PSMD14: variants seen among roughly 807,000 people sequenced by gnomAD.
PSMD14 encodes the protein ubiquitin C-terminal hydrolase PSMD14.
PSMD14 carries 7 observed loss-of-function variants against 41.2 expected under a neutral mutation model. The observed-to-expected ratio is 0.17, with a 90% CI of 0.10 to 0.32. The LOEUF (loss-of-function observed/expected upper bound fraction) is 0.32, where lower values mean the gene tolerates loss of function less well. Among genes scored for constraint, PSMD14 ranks in the 10% least tolerant of loss-of-function variants. PSMD14 has a pLI of 1.00. For synonymous variants in PSMD14, 114 were observed against 122.3 expected, an observed-to-expected ratio of 0.93 and a Z score of 0.45; for missense variants, 139 against 375.6, an observed-to-expected ratio of 0.37 and a Z score of 5.21.
At chr2:161,368,123 A>G (rs1683383832) in intron 5 of PSMD14, among the ~76,000 whole-genome samples, 1 of 152,152 alleles carries the variant, frequency 6.6e-6, no homozygotes, top group Non-Finnish European at 1.5e-5. Context: ...TGCTAATGCT[A>G]AATTTCTTTT....
At chr2:161,409,881 T>A (rs894272278) in intron 11 of PSMD14, among the ~76,000 whole-genome samples, 3 of 152,116 alleles carry the variant, frequency 2.0e-5, no homozygotes, top group Non-Finnish European at 2.9e-5. Context: ...TTATGTGATA[T>A]CACCCTTGTT....
intron 2 of PSMD14, 45 bp downstream of exon 2, chr2:161,316,614 A>T (rs1038373275): frequency 2.0e-5 from 3 of 152,178 alleles, no homozygotes; most frequent in African/African-American, 7.2e-5. Flanking sequence ...TATTTTACGG[A>T]TGGATAGAGA....
chr2:161,348,766 A>G (rs1683079431), intron 3 of PSMD14, among the ~76,000 whole-genome samples: 1 of 152,210 alleles, frequency 6.6e-6, no homozygotes, highest in Non-Finnish European at 1.5e-5. Flanking sequence ...TAGTCAGGGA[A>G]AAGGACACAG....
chr2:161,398,537 T>A (rs1683833535), intron 10 of PSMD14, among the ~76,000 whole-genome samples: 1 of 151,842 alleles, frequency 6.6e-6, no homozygotes, highest in African/African-American at 2.4e-5. Context: ...ATGCATCTGC[T>A]ATTTTTTTTT....
At chr2:161,340,220 GTAAAT>G (rs1438445223) in intron 3 of PSMD14, among the ~76,000 whole-genome samples, 1 of 152,154 alleles carries the variant, frequency 6.6e-6, no homozygotes, top group Non-Finnish European at 1.5e-5. Context: ...GAATGGTCAA[GTAAAT>G]TCCTGGTACT....
intron 3 of PSMD14, among the ~76,000 whole-genome samples, chr2:161,347,344 C>G (rs1683059275): frequency 6.6e-6 from 1 of 152,068 alleles, no homozygotes; most frequent in Non-Finnish European, 1.5e-5. Context: ...GAGAGGAGGT[C>G]TTGCTATATC....
intron 8 of PSMD14, among the ~76,000 whole-genome samples, chr2:161,389,889 G>GTTGATGTTTTTTTTTTTT: frequency 5.0e-5 from 1 of 20,042 alleles, no homozygotes; most frequent in Non-Finnish European, 1.0e-4. Flanking sequence ...CTTTTTTGTT[G>GTTGATGTTTTTTTTTTTT]TTTTTTTTTT....
intron 3 of PSMD14, among the ~76,000 whole-genome samples, chr2:161,359,782 T>A (rs747608240): frequency 3.9e-5 from 6 of 152,174 alleles, no homozygotes; most frequent in African/African-American, 7.2e-5. Flanking sequence ...GCTCCCAGAA[T>A]AAAAGTAGAC....
chr2:161,392,419 G>A (rs1449751045), intron 9 of PSMD14, among the ~76,000 whole-genome samples: 2 of 152,116 alleles, frequency 1.3e-5, no homozygotes, highest in African/African-American at 4.8e-5. Flanking sequence ...CTGGTACATG[G>A]CAAGTGGCAG....
At chr2:161,387,532 T>G (rs1009016167) in intron 8 of PSMD14, among the ~76,000 whole-genome samples, 5 of 151,996 alleles carry the variant, frequency 3.3e-5, no homozygotes, top group African/African-American at 1.2e-4. Context: ...TTTTTTTTAC[T>G]CTTATACTTA....
chr2:161,356,199 G>A (rs956162230), intron 3 of PSMD14, among the ~76,000 whole-genome samples: 2 of 152,248 alleles, frequency 1.3e-5, no homozygotes, highest in African/African-American at 2.4e-5. Flanking sequence ...GGGTTAGGAC[G>A]ATGGGGAACA....
At chr2:161,330,498 C>T (rs890698100) in intron 3 of PSMD14, among the ~76,000 whole-genome samples, 3 of 152,156 alleles carry the variant, frequency 2.0e-5, no homozygotes, top group Non-Finnish European at 4.4e-5. Context: ...CTTCGGGTTT[C>T]CTATCTTAAA....
chr2:161,385,895 G>A (rs1022283028), intron 8 of PSMD14, among the ~76,000 whole-genome samples: 1 of 151,700 alleles, frequency 6.6e-6, no homozygotes, highest in African/African-American at 2.4e-5. Flanking sequence ...GGTGAAGGAT[G>A]TAACTATTAT....
intron 3 of PSMD14, among the ~76,000 whole-genome samples, chr2:161,326,354 A>G (rs1453120341): frequency 6.6e-6 from 1 of 152,170 alleles, no homozygotes; most frequent in African/African-American, 2.4e-5. Context: ...TTTTGCAGGT[A>G]CACCCATTTG....
At chr2:161,380,198 A>C (rs1165711134) in intron 7 of PSMD14, among the ~76,000 whole-genome samples, 1 of 152,032 alleles carries the variant, frequency 6.6e-6, no homozygotes. Context: ...TCCCTTAGCT[A>C]GTAAGTGATA....
chr2:161,362,628 AATTCT>A (rs1683305788), intron 3 of PSMD14, among the ~76,000 whole-genome samples: 1 of 152,218 alleles, frequency 6.6e-6, no homozygotes, highest in East Asian at 1.9e-4. Context: ...TTGAGTATAA[AATTCT>A]TTACTTTCAG....
At position 161,331,920 on chromosome 2, in the gene PSMD14, T is replaced by G. The variant is rs549248595; in HGVS notation, c.48+13047T>G. ...ATTATTTTCATATTATAGGGTCGAG[T>G]CACAGAACTAACAAGAAGTGGAGCT... On this transcript the variant is annotated intron_variant, in intron 3 of 11. Coordinates refer to ENST00000409682, the MANE Select transcript of PSMD14 (RefSeq NM_005805.6). Among the ~76,000 whole-genome samples, 183 of 152,308 alleles carry G rather than the reference T, an allele frequency of 1.2e-3. 1 individual carries two copies. The South Asian group carries it at 0.022, about 18-fold the overall frequency.
intron 10 of PSMD14, among the ~76,000 whole-genome samples, chr2:161,405,807 A>G (rs1419134685): frequency 6.6e-6 from 1 of 152,136 alleles, no homozygotes; most frequent in Non-Finnish European, 1.5e-5. Context: ...AGATATTTAA[A>G]TGGGATCATG....
chr2:161,311,321 A>C (rs1689084668), intron 1 of PSMD14, among the ~76,000 whole-genome samples: 2 of 152,160 alleles, frequency 1.3e-5, no homozygotes, highest in Non-Finnish European at 2.9e-5. Flanking sequence ...AAAAGGAAAA[A>C]AAAAATTGCA....
Sources: gnomAD v4.1 joint callset for allele counts (sites outside exome capture counted in the v4.1 genomes callset) on GRCh38, gnomAD v4.1.1 for gene constraint, MANE v1.5 for transcripts, NCBI Gene and HGNC (gene_info 2026-07-23, HGNC 2026-07-21) for gene names.